PCGF3: variants seen among roughly 807,000 people sequenced by gnomAD.
PCGF3 encodes the protein polycomb group RING finger protein 3.
In PCGF3, 7 loss-of-function variants were observed where a neutral mutation model predicts 33.1. That is an observed-to-expected ratio of 0.21 (90% CI 0.12 to 0.40). The LOEUF (loss-of-function observed/expected upper bound fraction) is 0.40, where lower values mean the gene tolerates loss of function less well. Among genes scored for constraint, PCGF3 ranks in the 10% least tolerant of loss-of-function variants. The pLI, the probability that PCGF3 is intolerant of heterozygous loss-of-function variation, is 1.00. For missense variants in PCGF3, 211 were observed against 313.3 expected (o/e 0.67, Z 2.46); for synonymous variants, 153 against 121.3 (o/e 1.26, Z -1.72).
Position 720,756 on chromosome 4 carries a change from C to T in PCGF3, c.-189-9874C>T, listed in dbSNP as rs1743045096. Among the ~76,000 whole-genome samples the T allele has an allele frequency of 6.6e-6, 1 of 151,840 alleles. No individual in the cohort carries two copies. Among genetic ancestry groups the T allele is most frequent in the African/African-American group, 2.4e-5 (1 of 41,296 alleles). ...CGTGTGGACCCGGCGTGGACGCAGC[C>T]CCGACGTGAATGGATGTGGTTCCGA... is the stretch of plus-strand genomic sequence containing the variant. On this transcript the variant is annotated intron_variant, in intron 1 of 10. Transcript: ENST00000362003. This position sits in a 1 kb window ranked among gnomAD's most constrained non-coding sequence, Gnocchi z 5.6.
At chr4:752,837 A>G (rs1744587109) in intron 8 of PCGF3, among the ~76,000 whole-genome samples, 1 of 152,240 alleles carries the variant, frequency 6.6e-6, no homozygotes, top group Non-Finnish European at 1.5e-5. Context: ...GGCCCCTGTC[A>G]GATCCAAACA....
exon 11 of PCGF3, chr4:769,828 T>C (rs1440108405): frequency 6.5e-6 from 1 of 152,706 alleles, no homozygotes; most frequent in Non-Finnish European, 1.5e-5. Context: ...CACCCAGCCT[T>C]TACCAGCAGC....
chr4:717,792 G>A (rs918397987), intron 1 of PCGF3, among the ~76,000 whole-genome samples: 3 of 152,266 alleles, frequency 2.0e-5, no homozygotes, highest in Non-Finnish European at 4.4e-5. Flanking sequence ...CTGAGCGAGA[G>A]GGCCGAGAAT....
intron 1 of PCGF3, among the ~76,000 whole-genome samples, chr4:715,930 T>C (rs1231519329): frequency 8.8e-6 from 1 of 113,020 alleles, no homozygotes; most frequent in Non-Finnish European, 1.9e-5. Flanking sequence ...TGGGACCCTG[T>C]AGACACTGAG....
At chr4:716,979 C>A (rs1742881056) in intron 1 of PCGF3, among the ~76,000 whole-genome samples, 1 of 143,596 alleles carries the variant, frequency 7.0e-6, no homozygotes, top group Non-Finnish European at 1.5e-5. Context: ...GGTGCTGGGA[C>A]CCTGTAGACA....
At chr4:734,204 G>A in intron 4 of PCGF3, 1 of 1,531,386 alleles carries the variant, frequency 6.5e-7, no homozygotes, top group Non-Finnish European at 8.8e-7. Flanking sequence ...TGGTGTTAGA[G>A]GACTCACACC....
chr4:752,729 C>A (rs1744580428), intron 8 of PCGF3, among the ~76,000 whole-genome samples: 1 of 152,208 alleles, frequency 6.6e-6, no homozygotes. Context: ...TTCCAGGCCC[C>A]CGGGGTCTTC....
intron 8 of PCGF3, among the ~76,000 whole-genome samples, chr4:752,990 A>G (rs1477212007): frequency 6.6e-6 from 1 of 152,122 alleles, no homozygotes; most frequent in East Asian, 1.9e-4. Flanking sequence ...TCGAACCACA[A>G]AGGTTTGTGT....
intron 3 of PCGF3, among the ~76,000 whole-genome samples, chr4:732,194 C>T (rs1235030289): frequency 7.5e-6 from 1 of 133,354 alleles, no homozygotes; most frequent in Non-Finnish European, 1.7e-5. Context: ...AGGCGGGGCT[C>T]CCCTCCCCTC....
At chr4:762,938 G>A (rs1015914064) in intron 9 of PCGF3, 1 of 152,234 alleles carries the variant, frequency 6.6e-6, no homozygotes, top group East Asian at 1.9e-4. Context: ...GGGCTGCTCG[G>A]TTTGGGGTGG....
intron 1 of PCGF3, among the ~76,000 whole-genome samples, chr4:718,558 T>C (rs946706950): frequency 6.6e-6 from 1 of 152,280 alleles, no homozygotes; most frequent in Non-Finnish European, 1.5e-5. Context: ...CAGTGAGGCC[T>C]GTCCAGTCTC....
chr4:732,907 C>G (rs1282578631), intron 3 of PCGF3, among the ~76,000 whole-genome samples: 1 of 152,230 alleles, frequency 6.6e-6, no homozygotes, highest in Non-Finnish European at 1.5e-5. Context: ...GCTCTGCCTG[C>G]CGTCGTGCGG....
Position 761,432 on chromosome 4 carries a change from T to G in PCGF3, c.600+16T>G, listed in dbSNP as rs1303591122. ...CTTTAACGAGGTAACAGTTGATCCC[T>G]AAGTAGAAACCATAACAAGTCCTCT... On this transcript the variant is annotated intron_variant, in intron 9 of 10. Transcript: ENST00000362003. 1 of 1,583,618 alleles carries G rather than the reference T, an allele frequency of 6.3e-7. No individual in the cohort carries two copies. Among genetic ancestry groups the G allele is most frequent in the African/African-American group, 1.4e-5 (1 of 73,942 alleles).
intron 9 of PCGF3, chr4:761,822 C>T (rs941909397): frequency 5.3e-5 from 52 of 985,386 alleles, no homozygotes; most frequent in South Asian, 1.4e-4. Context: ...GCCTTGGCAG[C>T]GGGCGCACCA....
rs150526733 is a variant in PCGF3 at position 733,755 on chromosome 4, C to T, written c.75C>T (p.Ile25=). Residue 25 remains isoleucine, a synonymous_variant, in exon 4 of 11, where the codon ATC becomes ATT. Coordinates refer to ENST00000362003, the Ensembl canonical transcript of PCGF3. ...GCCGCCTGTGCAGCGGGTACCTCAT[C>T]GACGCCACCACGGTGACCGAGTGTC... The T allele has an allele frequency of 1.7e-5, 28 of 1,613,398 alleles. 1 individual carries two copies. In the African/African-American group the frequency reaches 2.1e-4, roughly 12 times the overall value.
At position 737,529 on chromosome 4, in the gene PCGF3, T is replaced by A. The variant is rs538148298; in HGVS notation, c.262+8T>A. On this transcript the variant is annotated splice_region_variant and intron_variant, in intron 6 of 10. Coordinates refer to ENST00000362003, the Ensembl canonical transcript of PCGF3. ...TACCAGGCCTCCAAGAAGGTGAGTG[T>A]CTGACTGTCTTGCTGATCCCTGAGG... 1.3e-6 allele frequency: 2 copies of A among 1,570,950 alleles called. No homozygotes were observed. The highest frequency in any genetic ancestry group is 1.3e-5 in the African/African-American group (1 of 74,096).
At chr4:768,606 T>C (rs1386654428) in exon 11 of PCGF3, 1 of 152,232 alleles carries the variant, frequency 6.6e-6, no homozygotes, top group African/African-American at 2.4e-5. Flanking sequence ...CGGAATACGG[T>C]CTCACCGATG....
At chr4:741,396 CTTATTTAT>C (rs748346506) in intron 6 of PCGF3, among the ~76,000 whole-genome samples, 1 of 152,158 alleles carries the variant, frequency 6.6e-6, no homozygotes, top group Non-Finnish European at 1.5e-5. Context: ...ACAGTGAGCT[CTTATTTAT>C]TTATTTATTC....
chr4:738,204 G>T (rs1695753081), intron 6 of PCGF3, among the ~76,000 whole-genome samples: 1 of 152,222 alleles, frequency 6.6e-6, no homozygotes, highest in African/African-American at 2.4e-5. Context: ...GGTTCTCACT[G>T]TATCTCAGAA....
Sources: allele counts gnomAD v4.1 joint callset (sites outside exome capture counted in the v4.1 genomes callset), GRCh38; gene constraint gnomAD v4.1.1; non-coding constraint Gnocchi (gnomAD v3.1); transcripts MANE v1.5; gene names NCBI Gene and HGNC (gene_info 2026-07-23, HGNC 2026-07-21).